WASHC5: variants seen among roughly 807,000 people sequenced by gnomAD.
WASHC5 encodes the protein WASH complex subunit 5.
Under a neutral mutation model 150.4 loss-of-function variants are expected in WASHC5, and 101 were observed. The ratio of observed to expected loss-of-function variants is 0.67; its 90% CI spans 0.57 to 0.79. The LOEUF (loss-of-function observed/expected upper bound fraction) is 0.79, where lower values mean the gene tolerates loss of function less well. WASHC5 is among the 30% of genes least tolerant of loss of function. WASHC5 has a pLI of 0.00. For missense variants in WASHC5, 1,195 were observed against 1,396.3 expected, an observed-to-expected ratio of 0.86 and a Z score of 2.30; for synonymous variants, 467 against 491.2, an observed-to-expected ratio of 0.95 and a Z score of 0.65.
chr8:125,082,291 G>C (rs1294183251), intron 4 of WASHC5, 92 bp downstream of exon 4: 1 of 756,276 alleles, frequency 1.3e-6, no homozygotes, highest in Non-Finnish European at 2.4e-6. Flanking sequence ...TTAAAGAATG[G>C]TATTTCGTAT....
At chr8:125,045,442 A>G (rs1225865074) in intron 20 of WASHC5, among the ~76,000 whole-genome samples, 2 of 152,164 alleles carry the variant, frequency 1.3e-5, no homozygotes, top group Non-Finnish European at 2.9e-5. Context: ...CACCATTTCA[A>G]TGGTTTTCAA....
At chr8:125,082,804 T>C (rs1586389623) in intron 3 of WASHC5, 2 of 361,720 alleles carry the variant, frequency 5.5e-6, no homozygotes, top group East Asian at 1.1e-4. Context: ...AAGTTAATGA[T>C]AAAGATAAGT....
chr8:125,044,447 G>C, intron 21 of WASHC5, 89 bp downstream of exon 21: 1 of 1,377,278 alleles, frequency 7.3e-7, no homozygotes, highest in Non-Finnish European at 1.0e-6. Context: ...ATGGAAGAAA[G>C]GTTAAGTGAG....
intron 28 of WASHC5, among the ~76,000 whole-genome samples, chr8:125,026,836 C>CT (rs895195369): frequency 2.0e-5 from 3 of 151,780 alleles, no homozygotes; most frequent in South Asian, 2.1e-4. Flanking sequence ...ATTTTAATAT[C>CT]TTTTTTTTAA....
At chr8:125,047,171 A>G in intron 20 of WASHC5, 36 bp downstream of exon 20, 7 of 1,613,144 alleles carry the variant, frequency 4.3e-6, no homozygotes, top group Non-Finnish European at 4.2e-6. Flanking sequence ...GACTGCCTGC[A>G]GTATTCAGGG....
At chr8:125,090,146 G>A (rs1163726565) in intron 1 of WASHC5, among the ~76,000 whole-genome samples, 3 of 152,212 alleles carry the variant, frequency 2.0e-5, no homozygotes, top group African/African-American at 4.8e-5. Context: ...TTATGTACTA[G>A]ACCTCCTAAC....
intron 26 of WASHC5, among the ~76,000 whole-genome samples, chr8:125,034,855 A>C (rs1815652392): frequency 6.6e-6 from 1 of 152,234 alleles, no homozygotes; most frequent in Non-Finnish European, 1.5e-5. Flanking sequence ...GTTAACAACA[A>C]ACACTTCTAC....
At position 125,082,430 on chromosome 8, in the gene WASHC5, G is replaced by A; in HGVS notation, c.370C>T (p.Gln124Ter). Reference sequence around the variant, plus strand: ...TTGAGAAGCACAGTTTCTAAGGTTTGCTGAATATAAACCCCTTCATTGAGA... The same window carrying A: ...TTGAGAAGCACAGTTTCTAAGGTTTACTGAATATAAACCCCTTCATTGAGA... The part of the protein sequence containing the change: ...DDLNEGVYIQ[Q>*]TLETVLLNED... The change falls in exon 4 of 29, where the codon CAA (glutamine) becomes TAA (stop). Residue 124 changes from glutamine to a stop codon, truncating the protein, a stop_gained. Coordinates refer to ENST00000318410, the MANE Select transcript of WASHC5 (RefSeq NM_014846.4). LOFTEE classifies it high-confidence loss of function. 1 of 1,590,898 alleles carries A rather than the reference G, an allele frequency of 6.3e-7. No individual in the cohort carries two copies. The highest frequency in any genetic ancestry group is 8.6e-7 in the Non-Finnish European group (1 of 1,159,292).
intron 26 of WASHC5, among the ~76,000 whole-genome samples, chr8:125,036,738 G>A (rs1325336710): frequency 6.8e-6 from 1 of 146,824 alleles, no homozygotes; most frequent in East Asian, 1.9e-4. Context: ...GGCCAGGTGT[G>A]GTGGCTCATA....
chr8:125,047,107 AGGACCCCCGTGACT>A (rs1491002589), intron 20 of WASHC5, 86 bp downstream of exon 20: 1 of 1,415,520 alleles, frequency 7.1e-7, no homozygotes, highest in African/African-American at 1.4e-5. Flanking sequence ...TGACAAGTGC[AGGACCCCCGTGACT>A]GGAATAGGGG....
intron 4 of WASHC5, 131 bp from the exon 5 acceptor site, chr8:125,081,892 G>A (rs1817277029): frequency 1.4e-6 from 1 of 704,084 alleles, no homozygotes; most frequent in Non-Finnish European, 2.6e-6. Context: ...GAAAAGGTAG[G>A]TTTCCTCCAA....
At chr8:125,055,312 A>G (rs1816372821) in intron 17 of WASHC5, among the ~76,000 whole-genome samples, 1 of 152,104 alleles carries the variant, frequency 6.6e-6, no homozygotes, top group South Asian at 2.1e-4. Context: ...AGTACCAACT[A>G]CTTGGGGGGC....
In WASHC5 at chr8:125,059,451, A is replaced by G; in HGVS notation, c.1613T>C (p.Ile538Thr). ...RKFLHQMIRT[I>T]NIKEEVLITM... The stretch of plus-strand genomic sequence containing the variant: ...GATCAGAACCTCCTCTTTAATGTTA[A>G]TGGTTCTGATCATTTGATGAAGAAA... The change falls in exon 13 of 29, where the codon ATT becomes ACT. Residue 538 changes from isoleucine to threonine, a missense_variant. By Grantham distance (89) the Ile-to-Thr change is moderately conservative (BLOSUM62 -1). Coordinates refer to ENST00000318410, the MANE Select transcript of WASHC5 (RefSeq NM_014846.4). 6.2e-7 allele frequency: 1 copy of G among 1,614,068 alleles called. No individual in the cohort carries two copies. Among genetic ancestry groups the G allele is most frequent in the South Asian group, 1.1e-5 (1 of 91,086 alleles).
At chr8:125,079,142 A>ATATATATATATATATAT (rs1312566224) in intron 5 of WASHC5, among the ~76,000 whole-genome samples, 2 of 108,232 alleles carry the variant, frequency 1.8e-5, no homozygotes, top group African/African-American at 5.8e-5. Flanking sequence ...ATATATATAC[A>ATATATATATATATATAT]TTTTTTTTTG....
intron 18 of WASHC5, 67 bp downstream of exon 18, chr8:125,050,497 A>T: frequency 9.2e-7 from 1 of 1,085,636 alleles, no homozygotes; most frequent in Admixed American, 1.7e-5. Flanking sequence ...TAGGTTAAAA[A>T]TGGCATTCTA....
At chr8:125,062,346 T>C (rs756444436) in intron 11 of WASHC5, among the ~76,000 whole-genome samples, 4 of 152,350 alleles carry the variant, frequency 2.6e-5, no homozygotes, top group South Asian at 2.1e-4. Flanking sequence ...GTAATTAAAC[T>C]ATACAGCTGG....
chr8:125,033,293 G>A (rs1586334319), intron 26 of WASHC5, among the ~76,000 whole-genome samples: 1 of 152,202 alleles, frequency 6.6e-6, no homozygotes, highest in South Asian at 2.1e-4. Context: ...ACAGAATAGA[G>A]TCTAGAGATA....
At chr8:125,027,108 A>C (rs1055332497) in intron 28 of WASHC5, among the ~76,000 whole-genome samples, 1 of 152,128 alleles carries the variant, frequency 6.6e-6, no homozygotes, top group African/African-American at 2.4e-5. Context: ...ATTTCTGTGA[A>C]TAGGTCCTTT....
Position 125,047,349 on chromosome 8 carries a change from C to T in WASHC5, c.2380-18G>A. On this transcript the variant is annotated intron_variant, in intron 19 of 28. Coordinates refer to ENST00000318410, the MANE Select transcript of WASHC5 (RefSeq NM_014846.4). Reference sequence around the variant, plus strand: ...TCTTGAATCTAGAAAACAAAACCATCAATATTTAGTAAACCTTTGATAAGA... The same window carrying T: ...TCTTGAATCTAGAAAACAAAACCATTAATATTTAGTAAACCTTTGATAAGA... The T allele has an allele frequency of 6.2e-7, 1 of 1,611,406 alleles. No homozygotes were observed. The highest frequency in any genetic ancestry group is 1.1e-5 in the South Asian group (1 of 90,984).
Sources: gnomAD v4.1 joint callset for allele counts (sites outside exome capture counted in the v4.1 genomes callset) on GRCh38, gnomAD v4.1.1 for gene constraint, MANE v1.5 for transcripts, NCBI Gene and HGNC (gene_info 2026-07-23, HGNC 2026-07-21) for gene names.